Variants in SBNO1 observed in about 807,000 individuals in gnomAD.
The protein encoded by SBNO1 is strawberry notch homolog 1, also known as protein strawberry notch homolog 1.
In SBNO1, 23 loss-of-function variants were observed where a neutral mutation model predicts 173.6. That is an observed-to-expected ratio of 0.13 (90% CI 0.10 to 0.19). The LOEUF is 0.19. Ranked by LOEUF, SBNO1 falls within the 10% of genes least tolerant of loss-of-function variation. The pLI is 1.00. For synonymous variants in SBNO1, 632 were observed against 571.5 expected (o/e 1.11, Z -1.51); for missense variants, 1,238 against 1,671.2 (o/e 0.74, Z 4.52).
At chr12:123,343,201 CCAGCCTGGGCGATGGAATGAGACTT>C (rs2139047679) in intron 4 of SBNO1, among the ~76,000 whole-genome samples, 1 of 152,160 alleles carries the variant, frequency 6.6e-6, no homozygotes, top group East Asian at 1.9e-4. Context: ...CCATTGCACT[CCAGCCTGGGCGATGGAATGAGACTT>C]CGTCTCACAA....
chr12:123,307,438 A>T (rs1276763874), intron 28 of SBNO1, among the ~76,000 whole-genome samples: 1 of 152,156 alleles, frequency 6.6e-6, no homozygotes, highest in East Asian at 1.9e-4. Context: ...TACATATCAG[A>T]CCTTCATAGA....
In SBNO1 at chr12:123,348,118, C is replaced by T; in HGVS notation, c.148G>A (p.Ala50Thr). Residue 50 changes from alanine (A) to threonine (T), a missense_variant, in exon 3 of 32, where the codon GCA becomes ACA. Physicochemically the swap from Ala to Thr is moderately conservative, Grantham distance 58 (BLOSUM62 0). Transcript: ENST00000602398. Reference protein sequence around the residue: ...PSVQQSVPLSALELGLETEAA... With the variant: ...PSVQQSVPLSTLELGLETEAA... ...TCGGTCTCCAAACCTAGTTCTAATGCACTAAGTGGCACTGACTGGAGAGAA... is the reference window on the plus strand; with the variant it reads ...TCGGTCTCCAAACCTAGTTCTAATGTACTAAGTGGCACTGACTGGAGAGAA... 1 of 1,603,282 alleles carries T rather than the reference C, an allele frequency of 6.2e-7. No homozygotes were observed. Among genetic ancestry groups the T allele is most frequent in the Non-Finnish European group, 8.5e-7 (1 of 1,171,192 alleles).
At chr12:123,355,635 T>C (rs918122542) in intron 1 of SBNO1, among the ~76,000 whole-genome samples, 26 of 151,454 alleles carry the variant, frequency 1.7e-4, no homozygotes, top group African/African-American at 6.1e-4. Flanking sequence ...CTCAAAAAAT[T>C]AGCTGGGTGC....
intron 1 of SBNO1, among the ~76,000 whole-genome samples, chr12:123,358,482 G>A (rs1282719057): frequency 3.9e-5 from 6 of 152,014 alleles, no homozygotes; most frequent in Admixed American, 3.9e-4. Context: ...GGCCAGGCGC[G>A]GTGGCTCATG....
At chr12:123,337,677 C>T (rs1407903949) in intron 5 of SBNO1, among the ~76,000 whole-genome samples, 2 of 152,106 alleles carry the variant, frequency 1.3e-5, no homozygotes, top group African/African-American at 4.8e-5. Context: ...AAATTCGAGA[C>T]AAAACAGGAC....
At chr12:123,298,270 CTTTT>C (rs753453531) in intron 30 of SBNO1, 99 bp from the exon 31 acceptor site, 3 of 1,002,868 alleles carry the variant, frequency 3.0e-6, no homozygotes, top group Admixed American at 3.4e-5. Context: ...CTTTTCTTTT[CTTTT>C]TTTTTTGTTG....
intron 1 of SBNO1, among the ~76,000 whole-genome samples, chr12:123,351,317 T>G (rs1347185774): frequency 6.6e-6 from 1 of 152,104 alleles, no homozygotes; most frequent in Non-Finnish European, 1.5e-5. Flanking sequence ...GATTGAGGAC[T>G]ACCTGACACG....
rs558158847 is a variant in SBNO1 at position 123,295,458 on chromosome 12, T to C, written c.*450A>G. Reference sequence around the variant, plus strand: ...AAAAGAAACCAATATATATTTTCTATATTTATAGACTCAAAACACATGCAT... The same window carrying C: ...AAAAGAAACCAATATATATTTTCTACATTTATAGACTCAAAACACATGCAT... On this transcript the variant is annotated 3_prime_UTR_variant, in exon 32 of 32. Coordinates refer to ENST00000602398, the MANE Select transcript of SBNO1 (RefSeq NM_001167856.3). 6.5e-6 allele frequency: 1 copy of C among 152,762 alleles called. No homozygotes were observed. The highest frequency in any genetic ancestry group is 2.4e-5 in the African/African-American group (1 of 41,480). The allele number at this position is 152,762 out of a possible 1,614,324, so 9.5% of individuals were successfully genotyped here.
At chr12:123,309,445 C>T (rs753080789) in intron 27 of SBNO1, 43 bp from the exon 28 acceptor site, 107 of 1,597,490 alleles carry the variant, frequency 6.7e-5, no homozygotes, top group Non-Finnish European at 8.8e-5. Context: ...TCTGTAAATG[C>T]ATCTCATGGG....
chr12:123,337,952 G>A (rs1872049964), intron 5 of SBNO1, among the ~76,000 whole-genome samples: 1 of 152,110 alleles, frequency 6.6e-6, no homozygotes, highest in South Asian at 2.1e-4. Flanking sequence ...TGGTAATACT[G>A]AAGGACCACT....
chr12:123,334,773 A>G (rs1871639653), intron 6 of SBNO1, among the ~76,000 whole-genome samples: 1 of 137,614 alleles, frequency 7.3e-6, no homozygotes, highest in Non-Finnish European at 1.5e-5. Flanking sequence ...TAAAAAAAAG[A>G]TCTAAAAAAA....
intron 24 of SBNO1, 95 bp from the exon 25 acceptor site, chr12:123,311,224 C>T (rs769766251): frequency 9.0e-6 from 8 of 885,256 alleles, no homozygotes; most frequent in Non-Finnish European, 1.5e-5. Flanking sequence ...AGTATCATGC[C>T]ATTTTAAAAA....
intron 31 of SBNO1, among the ~76,000 whole-genome samples, chr12:123,297,592 C>T (rs2048653046): frequency 6.6e-6 from 1 of 151,826 alleles, no homozygotes; most frequent in South Asian, 2.1e-4. Flanking sequence ...ACCCTTGCTC[C>T]CTGCAGGACA....
intron 15 of SBNO1, among the ~76,000 whole-genome samples, chr12:123,324,673 G>C (rs1269776765): frequency 2.6e-5 from 4 of 152,126 alleles, no homozygotes. Context: ...AGAGCAGCAA[G>C]TTTATTTTGC....
At chr12:123,308,086 C>T (rs1004716837) in intron 28 of SBNO1, among the ~76,000 whole-genome samples, 16 of 151,990 alleles carry the variant, frequency 1.1e-4, no homozygotes, top group Non-Finnish European at 1.8e-4. Flanking sequence ...CAAAACAAAA[C>T]GAAACAACAC....
chr12:123,352,894 T>C (rs1306863640), intron 1 of SBNO1, among the ~76,000 whole-genome samples: 1 of 152,094 alleles, frequency 6.6e-6, no homozygotes, highest in Non-Finnish European at 1.5e-5. Context: ...GCCTTCCAGG[T>C]TCAAGAAATT....
At chr12:123,321,836 G>GTTT (rs1460830103) in intron 16 of SBNO1, 104 bp from the exon 17 acceptor site, 3 of 953,450 alleles carry the variant, frequency 3.1e-6, no homozygotes, top group African/African-American at 3.3e-5. Context: ...AAGTGCAGAG[G>GTTT]AAAAGTATTT....
chr12:123,364,804 G>T lies in SBNO1; in HGVS notation c.-104C>A. ...GGCGGCGGTGGCGGCGGCAGCAGCG[G>T]CGTCCTGCTCTGCCTACCTCCCCGC... On this transcript the variant is annotated 5_prime_UTR_variant, in exon 1 of 32. Coordinates refer to ENST00000602398, the MANE Select transcript of SBNO1 (RefSeq NM_001167856.3). 2 of 987,930 alleles carry T rather than the reference G, an allele frequency of 2.0e-6. No homozygotes were observed. Among genetic ancestry groups the T allele is most frequent in the East Asian group, 1.1e-4 (1 of 8,918 alleles). 61.2% of individuals were successfully genotyped at this position (987,930 alleles called of 1,614,324 possible). A position where few individuals can be genotyped will look rare whatever the true frequency, so the allele number is the denominator to read the frequency against.
Position 123,327,945 on chromosome 12 carries a change from A to G in SBNO1, c.1379T>C (p.Leu460Ser), listed in dbSNP as rs761287114. The G allele has an allele frequency of 5.0e-6, 8 of 1,613,480 alleles. No individual in the cohort carries two copies. Among genetic ancestry groups the G allele is most frequent in the African/African-American group, 2.7e-5 (2 of 75,066 alleles). Residue 460 changes from leucine (L) to serine (S), a missense_variant, in exon 11 of 32, where the codon TTA (leucine) becomes TCA (serine). Around this residue, in one of 14 missense-constraint regions of SBNO1, gnomAD observed 182 missense variants for 339.9 expected, o/e 0.54. Transcript: ENST00000602398. ...TTTTGGCAATTTGTTCTGAAGCTCT[A>G]AAACTGCTAAGCCTGTCTTGGTTGG... ...SKPTKTGLAV[L>S]ELQNKLPKAR...
Sources: allele counts gnomAD v4.1 joint callset (sites outside exome capture counted in the v4.1 genomes callset), GRCh38; gene constraint gnomAD v4.1.1; regional missense constraint gnomAD v4.1.1; transcripts MANE v1.5; gene names NCBI Gene and HGNC (gene_info 2026-07-23, HGNC 2026-07-21).